MYRIP: variants seen among roughly 807,000 people sequenced by gnomAD.
The protein encoded by MYRIP is myosin VIIA and Rab interacting protein, also known as rab effector MyRIP.
Under a neutral mutation model 98.0 loss-of-function variants are expected in MYRIP, and 49 were observed. The ratio of observed to expected loss-of-function variants is 0.50; its 90% CI spans 0.40 to 0.63. The LOEUF (loss-of-function observed/expected upper bound fraction) is 0.63. MYRIP is among the 30% of genes least tolerant of loss of function. MYRIP has a pLI of 0.00. For synonymous variants in MYRIP, 404 were observed against 409.5 expected (o/e 0.99, Z 0.16); for missense variants, 1,004 against 1,058.2 (o/e 0.95, Z 0.71).
In MYRIP at chr3:39,894,616, TCTGA is replaced by T. The variant is rs139924547; in HGVS notation, c.-30-6168_-30-6165del. Among the ~76,000 whole-genome samples, 93 of 152,356 alleles carry T rather than the reference TCTGA, an allele frequency of 6.1e-4. No individual in the cohort carries two copies. In the East Asian group the frequency reaches 0.013, roughly 22 times the overall value. ...GGTAAACTATATGCTGCATTTTTCC[TCTGA>T]CTTTTTACCTTAATATGTCATAAAC... On this transcript the variant is annotated intron_variant, in intron 1 of 16. Transcript: ENST00000302541.
At chr3:40,252,069 C>T in intron 16 of MYRIP, 70 bp downstream of exon 16, 1 of 1,190,060 alleles carries the variant, frequency 8.4e-7, no homozygotes, top group Non-Finnish European at 1.2e-6. Context: ...GCAGCCTTTC[C>T]TTCTGTAGCT....
At chr3:39,848,352 G>A (rs1378873278) in intron 1 of MYRIP, among the ~76,000 whole-genome samples, 1 of 152,118 alleles carries the variant, frequency 6.6e-6, no homozygotes, top group Non-Finnish European at 1.5e-5. Context: ...CAGAATACAA[G>A]CCTAATACTT....
intron 11 of MYRIP, among the ~76,000 whole-genome samples, chr3:40,228,287 A>T (rs755077480): frequency 1.3e-5 from 2 of 152,358 alleles, no homozygotes; most frequent in East Asian, 3.9e-4. Flanking sequence ...CCTTTCCTCC[A>T]TAAAACATAT....
chr3:40,131,242 G>C (rs537313359), intron 3 of MYRIP, among the ~76,000 whole-genome samples: 1 of 152,128 alleles, frequency 6.6e-6, no homozygotes, highest in African/African-American at 2.4e-5. Context: ...GCAAAGCTTG[G>C]TAGTGTTTTA....
chr3:39,958,211 G>A (rs1208413096), intron 2 of MYRIP, among the ~76,000 whole-genome samples: 11 of 152,204 alleles, frequency 7.2e-5, no homozygotes, highest in East Asian at 5.8e-4. Context: ...AAAAGAACCC[G>A]CATTGCCAAG....
intron 2 of MYRIP, among the ~76,000 whole-genome samples, chr3:40,002,534 TA>T (rs1361531505): frequency 2.1e-3 from 295 of 138,764 alleles, no homozygotes; most frequent in Middle Eastern, 7.4e-3. Flanking sequence ...AGACTCTGTC[TA>T]AAAAAAAAAA....
intron 1 of MYRIP, among the ~76,000 whole-genome samples, chr3:39,884,488 G>A (rs919779757): frequency 6.6e-6 from 1 of 152,112 alleles, no homozygotes; most frequent in African/African-American, 2.4e-5. Flanking sequence ...CCTCCACAAT[G>A]TGGATGGGCC....
intron 9 of MYRIP, among the ~76,000 whole-genome samples, chr3:40,186,297 C>T (rs561886974): frequency 3.1e-4 from 47 of 152,126 alleles, no homozygotes; most frequent in African/African-American, 1.1e-3. Flanking sequence ...ATCATGTGGG[C>T]GTCTTGGTTT....
chr3:40,251,866 T>A lies in MYRIP; in HGVS notation c.2429-15T>A. On this transcript the variant is annotated splice_polypyrimidine_tract_variant and intron_variant, in intron 15 of 16. Coordinates refer to ENST00000302541, the MANE Select transcript of MYRIP (RefSeq NM_015460.4). Reference sequence around the variant, plus strand: ...ATCTTCTGGGTAACATTTTTTCCCATTTATTTCCTTTTAGCTGAAAAAATT... The same window carrying A: ...ATCTTCTGGGTAACATTTTTTCCCAATTATTTCCTTTTAGCTGAAAAAATT... 6.4e-7 allele frequency: 1 copy of A among 1,558,696 alleles called. No homozygotes were observed. Among genetic ancestry groups the A allele is most frequent in the Admixed American group, 1.7e-5 (1 of 59,848 alleles).
At chr3:39,968,430 T>C (rs1045699221) in intron 2 of MYRIP, among the ~76,000 whole-genome samples, 1 of 152,124 alleles carries the variant, frequency 6.6e-6, no homozygotes. Flanking sequence ...CCCAAAGTGC[T>C]GGGAATATAG....
intron 9 of MYRIP, among the ~76,000 whole-genome samples, chr3:40,187,699 G>T (rs1453553931): frequency 6.6e-6 from 1 of 152,208 alleles, no homozygotes. Flanking sequence ...ATAAAGAGAT[G>T]CCTGAGATCC....
rs117709641 is a variant in MYRIP, at chr3:40,056,652, A to G, written c.332+12381A>G. ...ATAATTATACCACGAGGTAGGTACT[A>G]TTATTTCTCCATTATATTTATAGAG... On this transcript the variant is annotated intron_variant, in intron 3 of 16. Coordinates refer to ENST00000302541, the MANE Select transcript of MYRIP (RefSeq NM_015460.4). Among the ~76,000 whole-genome samples the G allele has an allele frequency of 4.3e-4, 65 of 152,332 alleles. No homozygotes were observed. In the East Asian group the frequency reaches 0.012, roughly 27 times the overall value.
chr3:39,987,863 A>G (rs1946070576), intron 2 of MYRIP, among the ~76,000 whole-genome samples: 1 of 152,176 alleles, frequency 6.6e-6, no homozygotes, highest in Non-Finnish European at 1.5e-5. Flanking sequence ...ATGCACACGT[A>G]TGTTTATTGT....
intron 2 of MYRIP, among the ~76,000 whole-genome samples, chr3:39,935,541 C>T (rs1437183299): frequency 2.6e-5 from 4 of 152,100 alleles, no homozygotes; most frequent in Non-Finnish European, 4.4e-5. Flanking sequence ...AGGACCTTGG[C>T]TCATGTTTCC....
At position 39,961,700 on chromosome 3, in the gene MYRIP, C is replaced by A. The variant is rs565037885; in HGVS notation, c.110+60774C>A. On this transcript the variant is annotated intron_variant, in intron 2 of 16. Transcript: ENST00000302541. ...GTCGAGATATCTAATGTCAGAAGAC[C>A]ACAAAACTGCATCTTTTAGTCCTAT... is the stretch of plus-strand genomic sequence containing the variant. Among the ~76,000 whole-genome samples the A allele has an allele frequency of 3.9e-5, 6 of 152,184 alleles. No individual in the cohort carries two copies. The East Asian group carries it at 9.7e-4, about 25-fold the overall frequency.
In MYRIP at chr3:40,194,180, C is replaced by T. The variant is rs185003405; in HGVS notation, c.1665+3717C>T. On this transcript the variant is annotated intron_variant, in intron 10 of 16. Transcript: ENST00000302541. ...TAAGGATTTTTTTTCCAATTTCTTC[C>T]TAATCCTTCGTAGTTTTCTATTTTC... Among the ~76,000 whole-genome samples the T allele has an allele frequency of 2.0e-5, 3 of 151,942 alleles. No homozygotes were observed. The East Asian group carries it at 5.8e-4, about 29-fold the overall frequency.
intron 1 of MYRIP, among the ~76,000 whole-genome samples, chr3:39,871,395 T>C (rs1250319744): frequency 6.6e-6 from 1 of 152,196 alleles, no homozygotes; most frequent in African/African-American, 2.4e-5. Flanking sequence ...ATAGTTTTTA[T>C]TATGCATGGA....
intron 1 of MYRIP, among the ~76,000 whole-genome samples, chr3:39,845,730 A>T (rs1393824336): frequency 6.6e-6 from 1 of 151,978 alleles, no homozygotes; most frequent in East Asian, 1.9e-4. Flanking sequence ...CTCCTGGATG[A>T]TAAGGGAATT....
intron 1 of MYRIP, among the ~76,000 whole-genome samples, chr3:39,894,529 G>A (rs182580522): frequency 4.6e-5 from 7 of 152,148 alleles, no homozygotes; most frequent in Admixed American, 2.6e-4. Context: ...TTGCATAGAC[G>A]GTTCATTTGG....
Sources: gnomAD v4.1 joint callset for allele counts (sites outside exome capture counted in the v4.1 genomes callset) on GRCh38, gnomAD v4.1.1 for gene constraint, MANE v1.5 for transcripts, NCBI Gene and HGNC (gene_info 2026-07-23, HGNC 2026-07-21) for gene names.